Variants in MTAP observed in about 807,000 individuals in gnomAD.
MTAP encodes the protein S-methyl-5'-thioadenosine phosphorylase.
A neutral mutation model predicts 33.6 loss-of-function variants in MTAP; 33 were observed. The ratio of observed to expected loss-of-function variants is 0.98; its 90% CI spans 0.74 to 1.31. MTAP has a LOEUF of 1.31. Among genes scored for constraint, MTAP ranks in the 40% most tolerant of loss-of-function variants. MTAP has a pLI of 0.00. For missense variants in MTAP, 367 were observed against 360.0 expected (o/e 1.02, Z -0.16); for synonymous variants, 148 against 125.7 (o/e 1.18, Z -1.19).
intron 1 of MTAP, among the ~76,000 whole-genome samples, chr9:21,898,294 G>C (rs1818331326): frequency 6.6e-6 from 1 of 152,128 alleles, no homozygotes; most frequent in South Asian, 2.1e-4. Flanking sequence ...TGAAAACCTA[G>C]GCAATACCAT....
At chr9:21,847,118 A>G (rs1196142560) in intron 5 of MTAP, among the ~76,000 whole-genome samples, 6 of 152,196 alleles carry the variant, frequency 3.9e-5, no homozygotes, top group Admixed American at 3.3e-4. Flanking sequence ...CTCCCAGCGT[A>G]CATCTTTCTC....
intron 1 of MTAP, among the ~76,000 whole-genome samples, chr9:21,884,694 TC>T (rs1434218378): frequency 6.6e-6 from 1 of 152,108 alleles, no homozygotes; most frequent in Non-Finnish European, 1.5e-5. Context: ...AGGACACTAA[TC>T]CCATCATGGG....
Position 21,854,553 on chromosome 9 carries a change from G to A in MTAP, c.451-78G>A, listed in dbSNP as rs1000354159. On this transcript the variant is annotated intron_variant, in intron 5 of 7. Coordinates refer to ENST00000644715, the MANE Select transcript of MTAP (RefSeq NM_002451.4). ...AAATCATCTTTAAGAAATCAACTTGGTAAACATTGGGGGGAAGTGCAGCCT... is the reference window on the plus strand; with the variant it reads ...AAATCATCTTTAAGAAATCAACTTGATAAACATTGGGGGGAAGTGCAGCCT... 15 of 1,452,722 alleles carry A rather than the reference G, an allele frequency of 1.0e-5. No homozygotes were observed. In the Admixed American group the frequency reaches 2.6e-4, roughly 25 times the overall value. The allele number at this position is 1,452,722 out of a possible 1,614,324, so 90.0% of individuals were successfully genotyped here.
chr9:21,914,633 G>A (rs186352156), intron 1 of MTAP, among the ~76,000 whole-genome samples: 1 of 138,732 alleles, frequency 7.2e-6, no homozygotes, highest in Non-Finnish European at 1.6e-5. Flanking sequence ...GCCTCTCATG[G>A]GGTGGGGGTG....
chr9:21,811,977 A>C (rs1587198168), intron 1 of MTAP: 1 of 307,038 alleles, frequency 3.3e-6, no homozygotes, highest in Non-Finnish European at 6.5e-6. Context: ...GTGCATGTCC[A>C]CCTCCTTCAT....
chr9:21,847,013 C>T (rs1390741490), intron 5 of MTAP, among the ~76,000 whole-genome samples: 1 of 152,130 alleles, frequency 6.6e-6, no homozygotes, highest in Non-Finnish European at 1.5e-5. Context: ...GAAAGGCAGA[C>T]CCACCCTTAA....
chr9:21,816,692 G>T (rs370098573), intron 2 of MTAP, 22 bp from the exon 3 acceptor site: 1 of 1,604,166 alleles, frequency 6.2e-7, no homozygotes, highest in Middle Eastern at 1.7e-4. Context: ...TGAGTTAAAT[G>T]TCATTTTTTC....
intron 1 of MTAP, among the ~76,000 whole-genome samples, chr9:21,812,901 T>A (rs573044256): frequency 4.6e-5 from 7 of 152,354 alleles, no homozygotes; most frequent in South Asian, 4.1e-4. Flanking sequence ...ACGAGGTTTT[T>A]AATTTTTGTG....
chr9:21,813,133 A>G (rs559381102), intron 1 of MTAP, among the ~76,000 whole-genome samples: 1 of 152,340 alleles, frequency 6.6e-6, no homozygotes, highest in South Asian at 2.1e-4. Context: ...TGGGTACTTC[A>G]TCCCAGTTGT....
At chr9:21,923,571 T>G (rs1461018646) in intron 1 of MTAP, among the ~76,000 whole-genome samples, 1 of 152,182 alleles carries the variant, frequency 6.6e-6, no homozygotes, top group East Asian at 1.9e-4. Context: ...TCCTCCCACT[T>G]TCTCCTATAG....
intron 4 of MTAP, among the ~76,000 whole-genome samples, chr9:21,834,783 GC>G (rs774664406): frequency 6.6e-6 from 1 of 152,142 alleles, no homozygotes; most frequent in Non-Finnish European, 1.5e-5. Flanking sequence ...GTTCCCCTTT[GC>G]CATCTAAAGT....
chr9:21,851,935 G>C (rs953975269), intron 5 of MTAP, among the ~76,000 whole-genome samples: 24 of 152,266 alleles, frequency 1.6e-4, no homozygotes, highest in African/African-American at 5.5e-4. Flanking sequence ...GTCTCTCCTT[G>C]CTCCTCAGCC....
At chr9:21,913,166 G>T (rs931673081) in intron 1 of MTAP, among the ~76,000 whole-genome samples, 1 of 152,220 alleles carries the variant, frequency 6.6e-6, no homozygotes, top group Non-Finnish European at 1.5e-5. Flanking sequence ...CATGCTCATG[G>T]ATAGGAAGAA....
chr9:21,935,143 A>C (rs1179038329), downstream of MTAP: 2 of 152,252 alleles, frequency 1.3e-5, no homozygotes, highest in Non-Finnish European at 2.9e-5. Flanking sequence ...AAAATTAAGA[A>C]CAATTGAATT....
At chr9:21,912,060 A>T (rs1387162346) in intron 1 of MTAP, among the ~76,000 whole-genome samples, 1 of 152,116 alleles carries the variant, frequency 6.6e-6, no homozygotes, top group Non-Finnish European at 1.5e-5. Context: ...CGACACATAC[A>T]CCCTCCCAAG....
rs1824486245 is a variant in MTAP, at chr9:21,816,789, T to C, written c.179+17T>C. ...CCTTGCAAGGTATGGTATTTTAAGC[T>C]TTTTGGATGTTACTACTAAAGGATA... On this transcript the variant is annotated intron_variant, in intron 3 of 7. Coordinates refer to ENST00000644715, the MANE Select transcript of MTAP (RefSeq NM_002451.4). The C allele has an allele frequency of 6.3e-7, 1 of 1,592,098 alleles. No homozygotes were observed. The highest frequency in any genetic ancestry group is 1.3e-5 in the African/African-American group (1 of 74,246).
At chr9:21,911,360 A>G (rs1012829396) in intron 1 of MTAP, among the ~76,000 whole-genome samples, 1 of 152,228 alleles carries the variant, frequency 6.6e-6, no homozygotes, top group African/African-American at 2.4e-5. Flanking sequence ...CTATTCCAAA[A>G]TTGACCACAT....
At chr9:21,803,082 C>T in intron 1 of MTAP, 1 of 709,236 alleles carries the variant, frequency 1.4e-6, no homozygotes, top group South Asian at 2.8e-5. Flanking sequence ...GGCGTAGGCA[C>T]CCCTTTAGAG....
At chr9:21,898,782 G>T (rs1698027823) in intron 1 of MTAP, among the ~76,000 whole-genome samples, 1 of 152,184 alleles carries the variant, frequency 6.6e-6, no homozygotes, top group South Asian at 2.1e-4. Context: ...TACACTGTTG[G>T]TGGGACTGTA....
Sources: allele counts gnomAD v4.1 joint callset (sites outside exome capture counted in the v4.1 genomes callset), GRCh38; gene constraint gnomAD v4.1.1; transcripts MANE v1.5; gene names NCBI Gene and HGNC (gene_info 2026-07-23, HGNC 2026-07-21).